Variants in SYN3 observed in about 807,000 individuals in gnomAD.
SYN3 encodes the protein synapsin-3.
Under a neutral mutation model 65.8 loss-of-function variants are expected in SYN3, and 35 were observed. That is an observed-to-expected ratio of 0.53 (90% CI 0.41 to 0.70). The LOEUF (loss-of-function observed/expected upper bound fraction) is 0.70, where lower values mean the gene tolerates loss of function less well. Ranked by LOEUF, SYN3 falls within the 30% of genes least tolerant of loss-of-function variation. The pLI is 0.00. For synonymous variants in SYN3, 270 were observed against 292.9 expected, an observed-to-expected ratio of 0.92 and a Z score of 0.80; for missense variants, 680 against 749.0, an observed-to-expected ratio of 0.91 and a Z score of 1.08.
intron 6 of SYN3, among the ~76,000 whole-genome samples, chr22:32,603,377 A>G (rs924539876): frequency 3.4e-5 from 5 of 146,906 alleles, no homozygotes; most frequent in South Asian, 4.3e-4. Context: ...AAAAATAGCC[A>G]GGTATGGTGG....
At chr22:32,802,596 C>T (rs183204970) in intron 6 of SYN3, among the ~76,000 whole-genome samples, 1 of 152,092 alleles carries the variant, frequency 6.6e-6, no homozygotes, top group Non-Finnish European at 1.5e-5. Context: ...TCATCTCCTG[C>T]GCCTATGAAA....
intron 3 of SYN3, among the ~76,000 whole-genome samples, chr22:32,977,808 T>C (rs557452912): frequency 6.6e-6 from 1 of 151,952 alleles, no homozygotes; most frequent in Admixed American, 6.6e-5. Context: ...CTGGAATCTG[T>C]AGAATCTATC....
rs372960245 is a variant in SYN3, at chr22:32,849,507, G to A, written c.711+15408C>T. On this transcript the variant is annotated intron_variant, in intron 6 of 13. Transcript: ENST00000358763. ...TGGTAAAGGAGGGGCCCTTCGGCAC[G>A]CTGGTCTACACCATCAAGCAGATGA... The A allele has an allele frequency of 2.1e-4, 338 of 1,613,454 alleles. No individual in the cohort carries two copies. Among genetic ancestry groups the A allele is most frequent in the Non-Finnish European group, 2.6e-4 (311 of 1,179,856 alleles).
chr22:32,881,919 G>A (rs1157579493), intron 4 of SYN3, among the ~76,000 whole-genome samples: 1 of 152,072 alleles, frequency 6.6e-6, no homozygotes, highest in Non-Finnish European at 1.5e-5. Flanking sequence ...AGCTGGGCAT[G>A]GTGGCATGTG....
chr22:32,948,077 G>A (rs555775961), intron 3 of SYN3, among the ~76,000 whole-genome samples: 13 of 152,244 alleles, frequency 8.5e-5, no homozygotes, highest in African/African-American at 2.6e-4. Flanking sequence ...ACTAGTAATG[G>A]CACACTGAGT....
rs2057685742 is a variant in SYN3 at position 32,511,011 on chromosome 22, GTGTGT to G, written c.*2676_*2680del. On this transcript the variant is annotated 3_prime_UTR_variant, in exon 14 of 14. Transcript: ENST00000358763. ...TGTGTGTGTGTGTGTGTGTGTGTGT[GTGTGT>G]AAGGGGACTCCTAGAATCACTGGCT... 9.2e-6 allele frequency among the ~76,000 whole-genome samples: 1 copy of G among 109,120 alleles called. No homozygotes were observed. Among genetic ancestry groups the G allele is most frequent in the Non-Finnish European group, 2.4e-5 (1 of 41,734 alleles). The allele number at this position is 109,120 out of a possible 152,430, so 71.6% of individuals were successfully genotyped here.
intron 7 of SYN3, among the ~76,000 whole-genome samples, chr22:32,574,967 C>T (rs1348918330): frequency 6.6e-6 from 1 of 152,220 alleles, no homozygotes; most frequent in African/African-American, 2.4e-5. Flanking sequence ...AATGTATTCC[C>T]TGCTCCTTGC....
chr22:32,545,663 C>T (rs138997533), intron 7 of SYN3, among the ~76,000 whole-genome samples: 5 of 152,066 alleles, frequency 3.3e-5, no homozygotes, highest in African/African-American at 7.2e-5. Context: ...TGGATTCAAG[C>T]GATTCTCTTG....
chr22:32,884,167 C>T (rs753754906), intron 4 of SYN3, among the ~76,000 whole-genome samples: 1 of 152,242 alleles, frequency 6.6e-6, no homozygotes, highest in Non-Finnish European at 1.5e-5. Flanking sequence ...CATTTCCCAA[C>T]AAATACACAC....
At chr22:32,901,278 A>G (rs1362717855) in intron 4 of SYN3, among the ~76,000 whole-genome samples, 1 of 152,210 alleles carries the variant, frequency 6.6e-6, no homozygotes, top group African/African-American at 2.4e-5. Flanking sequence ...TCAAATCTTA[A>G]TTGTGCTTCT....
At position 32,962,296 on chromosome 22, in the gene SYN3, C is replaced by T. The variant is rs112307961; in HGVS notation, c.369+18349G>A. On this transcript the variant is annotated intron_variant, in intron 3 of 13. Coordinates refer to ENST00000358763, the MANE Select transcript of SYN3 (RefSeq NM_003490.4). The stretch of plus-strand genomic sequence containing the variant: ...GTCTACAGGCGCCTGCCACCTCACC[C>T]GGCTAATTTTTGTATTTTTAATAGA... 7.8e-3 allele frequency among the ~76,000 whole-genome samples: 1,188 copies of T among 151,940 alleles called. 21 individuals carry two copies. The highest frequency in any genetic ancestry group is 0.028 in the African/African-American group (1,152 of 41,444).
chr22:33,054,146 C>G (rs2054217318), intron 1 of SYN3, among the ~76,000 whole-genome samples: 1 of 152,118 alleles, frequency 6.6e-6, no homozygotes, highest in Admixed American at 6.5e-5. Context: ...TTCTCCTCCT[C>G]TCTCTCTCAC....
chr22:32,573,070 T>C (rs565665003), intron 7 of SYN3, among the ~76,000 whole-genome samples: 1 of 152,324 alleles, frequency 6.6e-6, no homozygotes, highest in African/African-American at 2.4e-5. Flanking sequence ...AAATCATTTG[T>C]GGTGGAAATA....
intron 1 of SYN3, among the ~76,000 whole-genome samples, chr22:33,016,126 G>A (rs961052301): frequency 2.0e-5 from 3 of 152,138 alleles, no homozygotes; most frequent in Non-Finnish European, 2.9e-5. Flanking sequence ...GATTACAGGC[G>A]TGAGCCACCG....
chr22:32,741,056 A>G (rs921810973), intron 6 of SYN3, among the ~76,000 whole-genome samples: 1 of 152,150 alleles, frequency 6.6e-6, no homozygotes, highest in Non-Finnish European at 1.5e-5. Context: ...TTATTTCCAG[A>G]TGGCTGAGAA....
chr22:32,873,328 T>A (rs1262073889), intron 4 of SYN3, among the ~76,000 whole-genome samples: 1 of 147,930 alleles, frequency 6.8e-6, no homozygotes, highest in Non-Finnish European at 1.5e-5. Context: ...TACAAGGGCA[T>A]AAGGTGGTCC....
intron 6 of SYN3, among the ~76,000 whole-genome samples, chr22:32,602,826 T>C (rs2059304773): frequency 6.6e-6 from 1 of 152,198 alleles, no homozygotes; most frequent in Non-Finnish European, 1.5e-5. Flanking sequence ...TTCCTATTAA[T>C]AGACATTTGT....
rs1002605402 is a variant in SYN3, at chr22:32,744,707, C to T, written c.711+120208G>A. ...AACCCGGAGAAGCAGCTCACTGTGT[C>T]GGTAAGGAGACAGGATGTTGGGCAG... is the stretch of plus-strand genomic sequence containing the variant. On this transcript the variant is annotated intron_variant, in intron 6 of 13. Transcript: ENST00000358763. Among the ~76,000 whole-genome samples the T allele has an allele frequency of 3.3e-5, 5 of 152,216 alleles. No homozygotes were observed. In the South Asian group the frequency reaches 8.3e-4, roughly 25 times the overall value.
rs554028807 is a variant in SYN3, at chr22:32,637,606, G to A, written c.712-40870C>T. On this transcript the variant is annotated intron_variant, in intron 6 of 13. Transcript: ENST00000358763. ...CAGGTACTGAGCATAGTACCCAACAGTTAGGTTTTCTTTTTTTCTTTTTCT... is the reference window on the plus strand; with the variant it reads ...CAGGTACTGAGCATAGTACCCAACAATTAGGTTTTCTTTTTTTCTTTTTCT... Among the ~76,000 whole-genome samples, 5 of 144,178 alleles carry A rather than the reference G, an allele frequency of 3.5e-5. No homozygotes were observed. In the South Asian group the frequency reaches 1.2e-3, roughly 34 times the overall value. The allele number at this position is 144,178 out of a possible 152,430, so 94.6% of individuals were successfully genotyped here. A position where few individuals can be genotyped will look rare whatever the true frequency, so the allele number is the denominator to read the frequency against.
Sources: gnomAD v4.1 joint callset for allele counts (sites outside exome capture counted in the v4.1 genomes callset) on GRCh38, gnomAD v4.1.1 for gene constraint, MANE v1.5 for transcripts, NCBI Gene and HGNC (gene_info 2026-07-23, HGNC 2026-07-21) for gene names.